The following CRIM1 variants were observed in gnomAD, a reference collection of about 807,000 sequenced individuals.
The protein encoded by CRIM1 is cysteine rich transmembrane BMP regulator 1, also known as cysteine-rich motor neuron 1 protein.
In CRIM1, 32 loss-of-function variants were observed where a neutral mutation model predicts 116.4. The observed-to-expected ratio is 0.27, with a 90% CI of 0.21 to 0.37. The LOEUF (loss-of-function observed/expected upper bound fraction) is 0.37, where lower values mean the gene tolerates loss of function less well. Ranked by LOEUF, CRIM1 falls within the 10% of genes least tolerant of loss-of-function variation. The pLI is 1.00. For missense variants in CRIM1, 1,331 were observed against 1,354.8 expected (o/e 0.98, Z 0.28); for synonymous variants, 590 against 509.2 (o/e 1.16, Z -2.13).
At position 36,360,683 on chromosome 2, in the gene CRIM1, A is replaced by G. The variant is rs1669167730; in HGVS notation, c.331+4060A>G. On this transcript the variant is annotated intron_variant, in intron 1 of 16. Transcript: ENST00000280527. Reference sequence around the variant, plus strand: ...AGAAAATGTATGCGGGATCTGCTCCAGAAAGCAGGCTGCAGGAGGCCAGAT... The same window carrying G: ...AGAAAATGTATGCGGGATCTGCTCCGGAAAGCAGGCTGCAGGAGGCCAGAT... Among the ~76,000 whole-genome samples, 4 of 152,174 alleles carry G rather than the reference A, an allele frequency of 2.6e-5. No individual in the cohort carries two copies. In the South Asian group the frequency reaches 8.3e-4, roughly 31 times the overall value.
At chr2:36,406,122 A>G (rs764805767) in intron 2 of CRIM1, among the ~76,000 whole-genome samples, 2 of 152,242 alleles carry the variant, frequency 1.3e-5, no homozygotes, top group African/African-American at 4.8e-5. Flanking sequence ...AGAAATAATC[A>G]TTAATTCACA....
intron 16 of CRIM1, 115 bp downstream of exon 16, chr2:36,547,286 A>G (rs1319427335): frequency 2.6e-6 from 2 of 771,240 alleles, no homozygotes; most frequent in Non-Finnish European, 4.4e-6. Context: ...TTTGCTCTTC[A>G]TAGCCTCAAA....
chr2:36,445,583 A>G (rs150905343), intron 4 of CRIM1, among the ~76,000 whole-genome samples: 172 of 152,352 alleles, frequency 1.1e-3, no homozygotes, highest in African/African-American at 4.0e-3. Context: ...CCTAAAGGTC[A>G]GGAATTGTGT....
chr2:36,516,806 A>G (rs139490962), intron 11 of CRIM1, among the ~76,000 whole-genome samples: 29 of 152,224 alleles, frequency 1.9e-4, no homozygotes, highest in African/African-American at 6.5e-4. Flanking sequence ...CTGGAGACAT[A>G]TCCATGATCC....
chr2:36,433,333 G>A (rs1477048), intron 2 of CRIM1, among the ~76,000 whole-genome samples: 2 of 152,000 alleles, frequency 1.3e-5, no homozygotes, highest in African/African-American at 2.4e-5. Flanking sequence ...CCATAACATC[G>A]TTTGGGAAGA....
intron 14 of CRIM1, among the ~76,000 whole-genome samples, chr2:36,539,615 A>G (rs1666803534): frequency 6.6e-6 from 1 of 152,042 alleles, no homozygotes; most frequent in Admixed American, 6.5e-5. Context: ...AGACTTTTTT[A>G]AGAATCCGGG....
intron 2 of CRIM1, among the ~76,000 whole-genome samples, chr2:36,400,420 A>C (rs1320676196): frequency 6.6e-6 from 1 of 152,178 alleles, no homozygotes; most frequent in Non-Finnish European, 1.5e-5. Flanking sequence ...TGAAGATGCC[A>C]AGGAATAGTA....
intron 5 of CRIM1, among the ~76,000 whole-genome samples, chr2:36,476,445 A>T (rs186162159): frequency 6.6e-6 from 1 of 152,322 alleles, no homozygotes; most frequent in African/African-American, 2.4e-5. Flanking sequence ...AAGAGAGAGC[A>T]CTGGGGGAAC....
chr2:36,472,648 T>A (rs1678622473), intron 5 of CRIM1, among the ~76,000 whole-genome samples: 1 of 152,168 alleles, frequency 6.6e-6, no homozygotes, highest in Non-Finnish European at 1.5e-5. Context: ...TGCACCAGGG[T>A]TGTGGCTTCA....
intron 2 of CRIM1, among the ~76,000 whole-genome samples, chr2:36,405,050 G>A (rs907641300): frequency 6.6e-6 from 1 of 152,144 alleles, no homozygotes; most frequent in Non-Finnish European, 1.5e-5. Flanking sequence ...GCTGTGTGTG[G>A]CCTAATAAAA....
chr2:36,509,469 G>C (rs575909370), intron 8 of CRIM1, among the ~76,000 whole-genome samples: 1 of 152,318 alleles, frequency 6.6e-6, no homozygotes, highest in Non-Finnish European at 1.5e-5. Context: ...AGAAGTTGCA[G>C]TGAGCCGAAA....
chr2:36,371,298 C>G (rs967947332), intron 1 of CRIM1, among the ~76,000 whole-genome samples: 1 of 152,098 alleles, frequency 6.6e-6, no homozygotes, highest in African/African-American at 2.4e-5. Flanking sequence ...CTTTCTCCTT[C>G]CCCTGTTATA....
At chr2:36,540,905 T>G (rs1462466041) in intron 14 of CRIM1, among the ~76,000 whole-genome samples, 1 of 152,326 alleles carries the variant, frequency 6.6e-6, no homozygotes, top group East Asian at 1.9e-4. Flanking sequence ...AGTACAGATA[T>G]TGCTAACATC....
intron 13 of CRIM1, chr2:36,531,910 G>T: frequency 2.1e-6 from 1 of 471,038 alleles, no homozygotes; most frequent in South Asian, 1.5e-5. Context: ...ATCCCATGAG[G>T]TAAGCAGCCC....
At chr2:36,464,500 C>T in intron 4 of CRIM1, 34 bp from the exon 5 acceptor site, 1 of 1,613,098 alleles carries the variant, frequency 6.2e-7, no homozygotes, top group Non-Finnish European at 8.5e-7. Flanking sequence ...GTTGTTTATT[C>T]ATGGGGTTTT....
chr2:36,473,353 T>C (rs1678692351), intron 5 of CRIM1, among the ~76,000 whole-genome samples: 1 of 152,162 alleles, frequency 6.6e-6, no homozygotes, highest in Non-Finnish European at 1.5e-5. Context: ...GGAGTACTTT[T>C]TTTAAAAATA....
chr2:36,356,488 T>A lies in CRIM1; in HGVS notation c.196T>A (p.Cys66Ser), dbSNP rs765625451. The A allele has an allele frequency of 6.2e-7, 1 of 1,612,344 alleles. No individual in the cohort carries two copies. Among genetic ancestry groups the A allele is most frequent in the Non-Finnish European group, 8.5e-7 (1 of 1,179,786 alleles). ...VQGVCGCCYT[C>S]ASQRNESCGG... ...GGGCGTCTGCGGCTGCTGCTACACG[T>A]GCGCCAGCCAGAGGAACGAGAGCTG... Residue 66 changes from cysteine to serine, a missense_variant, in exon 1 of 17, where the codon TGC becomes AGC. Transcript: ENST00000280527. This position sits in a 1 kb window ranked among gnomAD's most constrained non-coding sequence, Gnocchi z 4.3.
At chr2:36,483,882 T>A (rs890161635) in intron 7 of CRIM1, among the ~76,000 whole-genome samples, 1 of 152,304 alleles carries the variant, frequency 6.6e-6, no homozygotes, top group African/African-American at 2.4e-5. Flanking sequence ...CTGATGGCCA[T>A]TGGGACCCCT....
At chr2:36,409,687 T>C (rs3770914) in intron 2 of CRIM1, among the ~76,000 whole-genome samples, 20,340 of 152,268 alleles carry the variant, frequency 0.13, 1,639 homozygotes, top group East Asian at 0.47. Flanking sequence ...CAAAGCTAAC[T>C]TTAATCAGTT....
Sources: allele counts gnomAD v4.1 joint callset (sites outside exome capture counted in the v4.1 genomes callset), GRCh38; gene constraint gnomAD v4.1.1; non-coding constraint Gnocchi (gnomAD v3.1); transcripts MANE v1.5; gene names NCBI Gene and HGNC (gene_info 2026-07-23, HGNC 2026-07-21).